VWDE: variants seen among roughly 807,000 people sequenced by gnomAD.
VWDE encodes von Willebrand factor D and EGF domain-containing protein.
Under a neutral mutation model 178.4 loss-of-function variants are expected in VWDE, and 207 were observed. That is an observed-to-expected ratio of 1.16 (90% CI 1.04 to 1.30). VWDE has a LOEUF of 1.30. Among genes scored for constraint, VWDE ranks in the 50% most tolerant of loss-of-function variants. The probability of loss-of-function intolerance (pLI) is 0.00; values close to 1 mark genes in which losing one functional copy is unlikely to be tolerated. For synonymous variants in VWDE, 738 were observed against 651.4 expected (o/e 1.13, Z -2.02); for missense variants, 2,287 against 1,901.3 (o/e 1.20, Z -3.77).
At chr7:12,342,332 T>C (rs1346540482) in intron 22 of VWDE, among the ~76,000 whole-genome samples, 178 bp from the exon 23 acceptor site, 2 of 152,220 alleles carry the variant, frequency 1.3e-5, no homozygotes, top group Non-Finnish European at 2.9e-5. Context: ...TATTCAGTTA[T>C]TTTATTTTAT....
intron 28 of VWDE, 70 bp from the exon 29 acceptor site, chr7:12,331,267 G>C: frequency 7.5e-7 from 1 of 1,331,280 alleles, no homozygotes. Flanking sequence ...CTCATTATTT[G>C]TTGCCTCCTT....
At chr7:12,376,298 G>C (rs1783524549) in intron 7 of VWDE, among the ~76,000 whole-genome samples, 1 of 146,980 alleles carries the variant, frequency 6.8e-6, no homozygotes, top group African/African-American at 2.5e-5. Context: ...AATACACTCA[G>C]ACACCAACTG....
At chr7:12,331,935 G>C (rs192463502) in intron 28 of VWDE, among the ~76,000 whole-genome samples, 1 of 151,938 alleles carries the variant, frequency 6.6e-6, no homozygotes, top group East Asian at 1.9e-4. Context: ...CTTTTTCATT[G>C]AAATTCTAGC....
At chr7:12,335,030 A>G (rs1780938292) in intron 27 of VWDE, among the ~76,000 whole-genome samples, 1 of 152,206 alleles carries the variant, frequency 6.6e-6, no homozygotes, top group South Asian at 2.1e-4. Flanking sequence ...ATTAGGGTCT[A>G]AGAGTCACAA....
At position 12,370,205 on chromosome 7, in the gene VWDE, G is replaced by C. The variant is rs958367915; in HGVS notation, c.2101C>G (p.His701Asp). The C allele has an allele frequency of 2.6e-6, 4 of 1,550,754 alleles. No individual in the cohort carries two copies. In the East Asian group the frequency reaches 9.8e-5, roughly 38 times the overall value. Residue 701 changes from histidine to aspartate, a missense_variant, in exon 12 of 29, where the codon CAC becomes GAC. Physicochemically the swap from His to Asp is moderately conservative, Grantham distance 81. Coordinates refer to ENST00000275358, the MANE Select transcript of VWDE (RefSeq NM_001135924.3). ...AAGCCGAGTTTAGTCAGGTTTATGTGTTTTTTTTCTTGCAGAAATAAATTT... is the reference window on the plus strand; with the variant it reads ...AAGCCGAGTTTAGTCAGGTTTATGTCTTTTTTTTCTTGCAGAAATAAATTT... ...NLNLFLQEKK[H>D]INLTKLGLNV...
chr7:12,372,606 C>T (rs1462522939), intron 10 of VWDE, among the ~76,000 whole-genome samples: 1 of 152,038 alleles, frequency 6.6e-6, no homozygotes, highest in African/African-American at 2.4e-5. Context: ...TATTCTATTA[C>T]ACTTATCTAC....
rs1352955816 is a variant in VWDE at position 12,357,264 on chromosome 7, C to T, written c.3525+1G>A. The stretch of plus-strand genomic sequence containing the variant: ...GGCACTTATGTAATTATAAAGATTA[C>T]CTCAATCGTGACTCTAGTTTCAGCA... On this transcript the variant is annotated splice_donor_variant, in intron 17 of 28. Transcript: ENST00000275358. LOFTEE classifies it high-confidence loss of function. 6.4e-7 allele frequency: 1 copy of T among 1,551,588 alleles called. No individual in the cohort carries two copies. Among genetic ancestry groups the T allele is most frequent in the Admixed American group, 2.0e-5 (1 of 50,988 alleles).
At chr7:12,374,442 C>T (rs1447248603) in intron 9 of VWDE, among the ~76,000 whole-genome samples, 1 of 151,928 alleles carries the variant, frequency 6.6e-6, no homozygotes, top group Non-Finnish European at 1.5e-5. Context: ...AGATTCTCTG[C>T]ATTTGTAATA....
At chr7:12,388,558 C>T (rs956079015) in intron 3 of VWDE, among the ~76,000 whole-genome samples, 2 of 152,086 alleles carry the variant, frequency 1.3e-5, no homozygotes, top group African/African-American at 2.4e-5. Flanking sequence ...TCTACTCATA[C>T]ATTTATAAAG....
intron 5 of VWDE, 127 bp downstream of exon 5, chr7:12,380,359 A>AT: frequency 7.6e-7 from 1 of 1,311,546 alleles, no homozygotes; most frequent in Non-Finnish European, 1.0e-6. Context: ...GGAAAAAAAA[A>AT]CAAAAAGAAA....
intron 1 of VWDE, among the ~76,000 whole-genome samples, chr7:12,401,316 A>C (rs908413815): frequency 6.6e-6 from 1 of 152,190 alleles, no homozygotes; most frequent in Non-Finnish European, 1.5e-5. Flanking sequence ...AACTAAAAAA[A>C]CTAAAGTATA....
Position 12,370,163 on chromosome 7 carries a change from G to T in VWDE, c.2143C>A (p.Pro715Thr), listed in dbSNP as rs1458778361. 1 of 1,551,268 alleles carries T rather than the reference G, an allele frequency of 6.4e-7. No individual in the cohort carries two copies. The highest frequency in any genetic ancestry group is 1.4e-5 in the African/African-American group (1 of 72,958). ...AGTGAATCTTCTTTCTCATTTCCAG[G>T]ATGTTTTTGTACATTTAAGCCGAGT... ...TKLGLNVQKH[P>T]GNEKEDSLQY... The change falls in exon 12 of 29, where the codon CCT becomes ACT. Residue 715 changes from proline (P) to threonine (T), a missense_variant. Coordinates refer to ENST00000275358, the MANE Select transcript of VWDE (RefSeq NM_001135924.3).
intron 19 of VWDE, among the ~76,000 whole-genome samples, chr7:12,348,000 C>T (rs1030970484): frequency 2.6e-5 from 4 of 152,184 alleles, no homozygotes; most frequent in South Asian, 4.1e-4. Context: ...ATAAATGGTG[C>T]TGGGAAAACT....
rs1783157696 is a variant in VWDE, at chr7:12,370,867, G to GA, written c.1588-4dup. 6.7e-7 allele frequency: 1 copy of GA among 1,502,772 alleles called. No homozygotes were observed. The highest frequency in any genetic ancestry group is 1.7e-4 in the Middle Eastern group (1 of 5,758). 93.1% of individuals were successfully genotyped at this position (1,502,772 alleles called of 1,614,324 possible). On this transcript the variant is annotated splice_region_variant and splice_polypyrimidine_tract_variant and intron_variant, in intron 10 of 28. Coordinates refer to ENST00000275358, the MANE Select transcript of VWDE (RefSeq NM_001135924.3). ...AATGCCCCAGAAGAAAACCAGATCT[G>GA]AAAAACAGAAATAAATACAGAAATA...
chr7:12,335,877 TG>T (rs1169202782), intron 27 of VWDE, among the ~76,000 whole-genome samples: 1 of 152,224 alleles, frequency 6.6e-6, no homozygotes, highest in Non-Finnish European at 1.5e-5. Context: ...TTGGCCCACC[TG>T]GGGAAACTTT....
At chr7:12,358,724 T>C (rs1209258135) in intron 16 of VWDE, among the ~76,000 whole-genome samples, 2 of 152,208 alleles carry the variant, frequency 1.3e-5, no homozygotes, top group East Asian at 3.9e-4. Flanking sequence ...TTGAACACTA[T>C]GAGACTATAA....
Position 12,403,860 on chromosome 7 carries a change from C to G in VWDE, c.-144G>C. The G allele has an allele frequency of 1.2e-6, 1 of 816,732 alleles. No homozygotes were observed. Among genetic ancestry groups the G allele is most frequent in the South Asian group, 1.8e-5 (1 of 55,656 alleles). The allele number at this position is 816,732 out of a possible 1,614,324, so 50.6% of individuals were successfully genotyped here. On this transcript the variant is annotated 5_prime_UTR_variant, in exon 1 of 29. Transcript: ENST00000275358. The stretch of plus-strand genomic sequence containing the variant: ...TTGGAACAGGGAAGCTCCGCGTCCT[C>G]GTTCTGGGGTGCACCCAGTCCTTTC...
At chr7:12,341,465 C>G (rs1267290597) in intron 23 of VWDE, among the ~76,000 whole-genome samples, 4 of 152,132 alleles carry the variant, frequency 2.6e-5, no homozygotes, top group East Asian at 1.9e-4. Flanking sequence ...AACCCCGTCT[C>G]TACTAAAAAT....
At chr7:12,360,958 G>C (rs574913706) in intron 15 of VWDE, among the ~76,000 whole-genome samples, 189 bp downstream of exon 15, 5 of 152,202 alleles carry the variant, frequency 3.3e-5, no homozygotes, top group African/African-American at 1.2e-4. Context: ...ATTTCAAAAT[G>C]TTAAAGGTAG....
Sources: gnomAD v4.1 joint callset for allele counts (sites outside exome capture counted in the v4.1 genomes callset) on GRCh38, gnomAD v4.1.1 for gene constraint, MANE v1.5 for transcripts, NCBI Gene and HGNC (gene_info 2026-07-23, HGNC 2026-07-21) for gene names.